BPNT1: variants seen among roughly 807,000 people sequenced by gnomAD.
The protein encoded by BPNT1 is 3'(2'),5'-bisphosphate nucleotidase 1.
Under a neutral mutation model 36.9 loss-of-function variants are expected in BPNT1, and 28 were observed. The observed-to-expected ratio is 0.76, with a 90% confidence interval of 0.56 to 1.04. The LOEUF (loss-of-function observed/expected upper bound fraction) is 1.04. BPNT1 is among the 50% of genes least tolerant of loss of function. The probability of loss-of-function intolerance (pLI) is 0.00; values close to 1 mark genes in which losing one functional copy is unlikely to be tolerated. For missense variants in BPNT1, 313 were observed against 372.9 expected, an observed-to-expected ratio of 0.84 and a Z score of 1.32; for synonymous variants, 119 against 130.9, an observed-to-expected ratio of 0.91 and a Z score of 0.62.
At chr1:220,087,871 A>G (rs1446874816) in intron 1 of BPNT1, among the ~76,000 whole-genome samples, 3 of 151,978 alleles carry the variant, frequency 2.0e-5, no homozygotes, top group Non-Finnish European at 4.4e-5. Context: ...TTTTTAATTA[A>G]TTAATTAATT....
At chr1:220,085,034 C>G (rs1655581696) in intron 1 of BPNT1, among the ~76,000 whole-genome samples, 1 of 148,902 alleles carries the variant, frequency 6.7e-6, no homozygotes, top group African/African-American at 2.5e-5. Flanking sequence ...GTTTTCTTAA[C>G]TATTTTTTAA....
chr1:220,085,527 G>A (rs1655633260), intron 1 of BPNT1, among the ~76,000 whole-genome samples: 1 of 152,196 alleles, frequency 6.6e-6, no homozygotes, highest in Non-Finnish European at 1.5e-5. Flanking sequence ...AGTAACACGT[G>A]TAAAGAAAGC....
chr1:220,075,060 T>C (rs1664418797), intron 2 of BPNT1, among the ~76,000 whole-genome samples: 1 of 152,224 alleles, frequency 6.6e-6, no homozygotes, highest in Non-Finnish European at 1.5e-5. Context: ...TTTGTTTGTT[T>C]TGAGACGGAG....
At chr1:220,079,153 C>T (rs1219246772) in intron 2 of BPNT1, among the ~76,000 whole-genome samples, 1 of 152,124 alleles carries the variant, frequency 6.6e-6, no homozygotes, top group African/African-American at 2.4e-5. Flanking sequence ...ATAGATTACT[C>T]TAGGATTTGA....
rs563533361 is a variant in BPNT1, at chr1:220,077,038, T to C, written c.120+2689A>G. ...ATCATCTTCCACTTCAGCTAACACA[T>C]TCCATATTTTTTAAAACTGTATGTT... On this transcript the variant is annotated intron_variant, in intron 2 of 8. Coordinates refer to ENST00000322067, the MANE Select transcript of BPNT1 (RefSeq NM_006085.6). Among the ~76,000 whole-genome samples, 14 of 152,270 alleles carry C rather than the reference T, an allele frequency of 9.2e-5. No homozygotes were observed. In the South Asian group the frequency reaches 2.9e-3, roughly 32 times the overall value.
chr1:220,084,338 AAAAAAG>A (rs1220878426), intron 1 of BPNT1, among the ~76,000 whole-genome samples: 21 of 152,156 alleles, frequency 1.4e-4, no homozygotes, highest in Non-Finnish European at 2.2e-4. Flanking sequence ...GTCTCAAAAA[AAAAAAG>A]AAAAAGAAAA....
chr1:220,085,950 A>G (rs1318836783), intron 1 of BPNT1, among the ~76,000 whole-genome samples: 1 of 152,254 alleles, frequency 6.6e-6, no homozygotes, highest in African/African-American at 2.4e-5. Context: ...AAAAATGATG[A>G]GTTCCAAGTC....
rs529890477 is a variant in BPNT1, at chr1:220,072,219, T to C, written c.333+631A>G. Among the ~76,000 whole-genome samples the C allele has an allele frequency of 3.0e-3, 462 of 151,556 alleles. 1 individual carries two copies. The highest frequency in any genetic ancestry group is 0.01 in the African/African-American group (430 of 41,378). On this transcript the variant is annotated intron_variant, in intron 4 of 8. Coordinates refer to ENST00000322067, the MANE Select transcript of BPNT1 (RefSeq NM_006085.6). ...CTACTAAAAATACAAAAAAATTAGC[T>C]GGGCATGGTGGTGCGCGCCTGTAGT...
At chr1:220,082,118 A>T (rs935385782) in intron 1 of BPNT1, among the ~76,000 whole-genome samples, 200 of 133,772 alleles carry the variant, frequency 1.5e-3, no homozygotes, top group East Asian at 4.3e-3. Context: ...AGAGAGAGAG[A>T]GAGTGTATAT....
chr1:220,071,844 C>T (rs1197043116), intron 4 of BPNT1, among the ~76,000 whole-genome samples: 3 of 151,790 alleles, frequency 2.0e-5, no homozygotes, highest in Non-Finnish European at 4.4e-5. Flanking sequence ...TGTGCCACCA[C>T]GCCCAGCTAA....
At chr1:220,087,456 G>C (rs1437105763) in intron 1 of BPNT1, among the ~76,000 whole-genome samples, 1 of 152,180 alleles carries the variant, frequency 6.6e-6, no homozygotes, top group Non-Finnish European at 1.5e-5. Context: ...TCAGGAGGCT[G>C]AGGCAGGAGA....
chr1:220,072,792 C>T (rs1664184916), intron 4 of BPNT1, 58 bp downstream of exon 4: 1 of 1,404,314 alleles, frequency 7.1e-7, no homozygotes. Context: ...ATATTATTTC[C>T]TTTACTATGG....
intron 1 of BPNT1, among the ~76,000 whole-genome samples, chr1:220,086,553 C>T (rs947156738): frequency 1.3e-5 from 2 of 151,812 alleles, no homozygotes; most frequent in Admixed American, 6.6e-5. Flanking sequence ...GGATTACAGG[C>T]ATGAGCCACC....
intron 7 of BPNT1, among the ~76,000 whole-genome samples, chr1:220,060,618 A>G (rs1662937671): frequency 6.6e-6 from 1 of 152,234 alleles, no homozygotes; most frequent in Non-Finnish European, 1.5e-5. Context: ...AAATACTTTC[A>G]TAAGTCTTGG....
Position 220,072,877 on chromosome 1 carries a change from C to T in BPNT1, c.306G>A (p.Ser102=), listed in dbSNP as rs190393666. 3.4e-5 allele frequency: 55 copies of T among 1,613,996 alleles called. No homozygotes were observed. The highest frequency in any genetic ancestry group is 4.2e-5 in the Non-Finnish European group (49 of 1,179,896). The change falls in exon 4 of 9, where the codon TCG becomes TCA. Residue 102 remains serine (S), a synonymous_variant. Coordinates refer to ENST00000322067, the MANE Select transcript of BPNT1 (RefSeq NM_006085.6). The part of the protein sequence containing the change: ...WEEILKQPCP[S]QYSAIKEEDL... ...CTTCTTCTTTAATAGCACTGTACTG[C>T]GATGGGCATGGTTGCTTCAGTATTT...
chr1:220,057,985 G>A lies in BPNT1; in HGVS notation c.*859C>T. 2 of 659,984 alleles carry A rather than the reference G, an allele frequency of 3.0e-6. No individual in the cohort carries two copies. Among genetic ancestry groups the A allele is most frequent in the Non-Finnish European group, 4.4e-6 (2 of 454,810 alleles). The allele number at this position is 659,984 out of a possible 1,614,324, so 40.9% of individuals were successfully genotyped here. On this transcript the variant is annotated 3_prime_UTR_variant, in exon 9 of 9. Coordinates refer to ENST00000322067, the MANE Select transcript of BPNT1 (RefSeq NM_006085.6). The stretch of plus-strand genomic sequence containing the variant: ...GATGTCAGGAGATCAAGACCATCCT[G>A]GCTAACACGGTGAAACACCTTCTCT...
At chr1:220,074,143 T>C in intron 2 of BPNT1, 72 bp from the exon 3 acceptor site, 1 of 1,340,200 alleles carries the variant, frequency 7.5e-7, no homozygotes, top group Non-Finnish European at 1.1e-6. Flanking sequence ...TGTGCATGAG[T>C]GCCTACATAA....
chr1:220,076,999 A>C (rs1469342437), intron 2 of BPNT1, among the ~76,000 whole-genome samples: 1 of 152,170 alleles, frequency 6.6e-6, no homozygotes, highest in Non-Finnish European at 1.5e-5. Flanking sequence ...AAATTTGATA[A>C]GCATGTTTTC....
At chr1:220,074,189 C>T in intron 2 of BPNT1, 118 bp from the exon 3 acceptor site, 1 of 830,496 alleles carries the variant, frequency 1.2e-6, no homozygotes, top group East Asian at 2.7e-5. Flanking sequence ...AGTCATAGAA[C>T]TTAACACCAA....
Sources: allele counts gnomAD v4.1 joint callset (sites outside exome capture counted in the v4.1 genomes callset), GRCh38; gene constraint gnomAD v4.1.1; transcripts MANE v1.5; gene names NCBI Gene and HGNC (gene_info 2026-07-23, HGNC 2026-07-21).